Variants in EDIL3 observed in about 807,000 individuals in gnomAD.
The protein encoded by EDIL3 is EGF like and discoidin domains 3.
A neutral mutation model predicts 67.4 loss-of-function variants in EDIL3; 37 were observed. The observed-to-expected ratio is 0.55, with a 90% CI of 0.42 to 0.72. EDIL3 has a LOEUF of 0.72. Among genes scored for constraint, EDIL3 ranks in the 30% least tolerant of loss-of-function variants. The pLI is 0.00. For synonymous variants in EDIL3, 195 were observed against 196.3 expected, an observed-to-expected ratio of 0.99 and a Z score of 0.05; for missense variants, 527 against 586.3, an observed-to-expected ratio of 0.90 and a Z score of 1.04.
intron 1 of EDIL3, among the ~76,000 whole-genome samples, chr5:84,278,450 A>G (rs1745631007): frequency 6.6e-6 from 1 of 152,132 alleles, no homozygotes; most frequent in Non-Finnish European, 1.5e-5. Context: ...TCCTCAAACT[A>G]CCACATTATA....
chr5:84,376,906 T>G (rs1470784015), intron 1 of EDIL3, among the ~76,000 whole-genome samples: 4 of 152,218 alleles, frequency 2.6e-5, no homozygotes, highest in African/African-American at 9.7e-5. Flanking sequence ...TGTTTGTCTG[T>G]AAACAACATT....
At chr5:83,953,198 G>A (rs1448072890) in intron 10 of EDIL3, among the ~76,000 whole-genome samples, 4 of 151,758 alleles carry the variant, frequency 2.6e-5, no homozygotes, top group Non-Finnish European at 5.9e-5. Flanking sequence ...CAAATATTTT[G>A]AATATACTTA....
At chr5:84,270,054 A>T (rs957580018) in intron 1 of EDIL3, among the ~76,000 whole-genome samples, 6 of 152,238 alleles carry the variant, frequency 3.9e-5, no homozygotes, top group African/African-American at 1.4e-4. Context: ...GTGCAAAAAT[A>T]TCAACGTTAG....
chr5:84,052,423 A>G (rs1365716791), intron 9 of EDIL3, among the ~76,000 whole-genome samples: 1 of 150,304 alleles, frequency 6.7e-6, no homozygotes, highest in African/African-American at 2.5e-5. Context: ...ATAGCCAGCT[A>G]ACATCATAAT....
At chr5:84,092,066 G>A (rs1235118141) in intron 6 of EDIL3, among the ~76,000 whole-genome samples, 2 of 152,160 alleles carry the variant, frequency 1.3e-5, no homozygotes, top group Non-Finnish European at 2.9e-5. Flanking sequence ...CTAAGTGCCA[G>A]AAATAGGGAT....
At chr5:84,254,430 C>G (rs1745090914) in intron 1 of EDIL3, among the ~76,000 whole-genome samples, 1 of 152,098 alleles carries the variant, frequency 6.6e-6, no homozygotes, top group African/African-American at 2.4e-5. Flanking sequence ...TCAAACACTG[C>G]CTCTGAAAGC....
chr5:84,321,925 T>A (rs1351020958), intron 1 of EDIL3, among the ~76,000 whole-genome samples: 2 of 152,184 alleles, frequency 1.3e-5, no homozygotes, highest in Middle Eastern at 6.8e-3. Flanking sequence ...AGCAATTTCA[T>A]AGATGAAGAA....
At chr5:84,373,157 T>G (rs908197965) in intron 1 of EDIL3, among the ~76,000 whole-genome samples, 2 of 152,152 alleles carry the variant, frequency 1.3e-5, no homozygotes, top group Non-Finnish European at 2.9e-5. Flanking sequence ...GTATAAGTAC[T>G]CCTGATCTCT....
At chr5:83,981,574 C>T (rs1458322290) in intron 9 of EDIL3, among the ~76,000 whole-genome samples, 1 of 151,944 alleles carries the variant, frequency 6.6e-6, no homozygotes, top group East Asian at 1.9e-4. Flanking sequence ...CCAGTTAACA[C>T]TGACACTATA....
At chr5:84,208,150 T>C (rs1038823071) in intron 3 of EDIL3, among the ~76,000 whole-genome samples, 3 of 152,188 alleles carry the variant, frequency 2.0e-5, no homozygotes, top group Non-Finnish European at 2.9e-5. Context: ...CCTACTCATC[T>C]GACAGAGGGC....
intron 9 of EDIL3, among the ~76,000 whole-genome samples, chr5:83,979,559 T>C (rs1744930062): frequency 6.6e-6 from 1 of 152,136 alleles, no homozygotes; most frequent in African/African-American, 2.4e-5. Context: ...TACAATAGAA[T>C]TATATGTATC....
chr5:83,982,877 T>G (rs1362324718), intron 9 of EDIL3, among the ~76,000 whole-genome samples: 2 of 152,138 alleles, frequency 1.3e-5, no homozygotes, highest in African/African-American at 4.8e-5. Context: ...CTGTGCTGAA[T>G]TGTTCAGGTT....
At chr5:84,230,001 A>G in intron 2 of EDIL3, 117 bp from the exon 3 acceptor site, 1 of 926,114 alleles carries the variant, frequency 1.1e-6, no homozygotes, top group Non-Finnish European at 1.6e-6. Flanking sequence ...TATATTTCAC[A>G]TTTCCAAACA....
intron 4 of EDIL3, among the ~76,000 whole-genome samples, chr5:84,163,731 A>T (rs969106334): frequency 6.6e-6 from 1 of 152,136 alleles, no homozygotes; most frequent in Non-Finnish European, 1.5e-5. Flanking sequence ...ATGCATAAGG[A>T]AAGTTTTAGC....
In EDIL3 at chr5:84,312,139, G is replaced by T. The variant is rs1179906472; in HGVS notation, c.68-57927C>A. Among the ~76,000 whole-genome samples the T allele has an allele frequency of 2.5e-4, 38 of 152,056 alleles. No homozygotes were observed. The East Asian group carries it at 5.5e-3, about 22-fold the overall frequency. ...CCTCACTTCCCAGTAGGGGCGGCCG[G>T]GCAGAGGCGCCCCTCACCTCCCGGA... On this transcript the variant is annotated intron_variant, in intron 1 of 10. Coordinates refer to ENST00000296591, the MANE Select transcript of EDIL3 (RefSeq NM_005711.5).
chr5:84,135,310 A>G (rs1318971291), intron 5 of EDIL3, among the ~76,000 whole-genome samples: 2 of 152,134 alleles, frequency 1.3e-5, no homozygotes, highest in African/African-American at 2.4e-5. Flanking sequence ...CAGGCCTCCT[A>G]TGGGTCAGAG....
intron 6 of EDIL3, among the ~76,000 whole-genome samples, chr5:84,073,325 T>C (rs1289813176): frequency 1.3e-5 from 2 of 152,076 alleles, no homozygotes; most frequent in Non-Finnish European, 1.5e-5. Context: ...CTATTCAACA[T>C]AGTGTTGGAA....
At chr5:84,100,952 C>CA (rs924168029) in intron 6 of EDIL3, among the ~76,000 whole-genome samples, 2 of 150,864 alleles carry the variant, frequency 1.3e-5, no homozygotes, top group Admixed American at 6.6e-5. Context: ...TTTCTTTCGC[C>CA]AAAAAAAATT....
At chr5:83,996,150 T>C (rs978942505) in intron 9 of EDIL3, among the ~76,000 whole-genome samples, 3 of 152,222 alleles carry the variant, frequency 2.0e-5, no homozygotes, top group African/African-American at 4.8e-5. Flanking sequence ...CAATACATTA[T>C]GTAAGTGCCA....
Sources: allele counts gnomAD v4.1 joint callset (sites outside exome capture counted in the v4.1 genomes callset), GRCh38; gene constraint gnomAD v4.1.1; transcripts MANE v1.5; gene names NCBI Gene and HGNC (gene_info 2026-07-23, HGNC 2026-07-21).